SGCZ: variants seen among roughly 807,000 people sequenced by gnomAD.
SGCZ encodes sarcoglycan zeta.
In SGCZ, 40 loss-of-function variants were observed where a neutral mutation model predicts 41.3. The observed-to-expected ratio is 0.97, with a 90% CI of 0.75 to 1.26. SGCZ has a LOEUF of 1.26. Ranked by LOEUF, SGCZ falls within the 50% of genes most tolerant of loss-of-function variation. The pLI, the probability that SGCZ is intolerant of heterozygous loss-of-function variation, is 0.00. For missense variants in SGCZ, 552 were observed against 369.8 expected, an observed-to-expected ratio of 1.49 and a Z score of -4.04; for synonymous variants, 206 against 137.5, an observed-to-expected ratio of 1.50 and a Z score of -3.49.
intron 1 of SGCZ, among the ~76,000 whole-genome samples, chr8:14,702,818 T>C (rs1005284256): frequency 8.8e-4 from 2 of 2,268 alleles, no homozygotes; most frequent in Admixed American, 5.7e-3. Context: ...GTTAGGTAGA[T>C]AGATAGATAG....
chr8:14,578,524 A>G (rs1804787101), intron 1 of SGCZ, among the ~76,000 whole-genome samples: 1 of 152,204 alleles, frequency 6.6e-6, no homozygotes, highest in Non-Finnish European at 1.5e-5. Flanking sequence ...CAGAGATTAT[A>G]TATTATTGTC....
chr8:15,217,563 C>A (rs763171328), intron 1 of SGCZ, among the ~76,000 whole-genome samples: 1 of 151,086 alleles, frequency 6.6e-6, no homozygotes. Context: ...AGGGTTATAA[C>A]CAAGATTCTT....
intron 1 of SGCZ, among the ~76,000 whole-genome samples, chr8:14,974,778 T>A (rs10503525): frequency 6.7e-6 from 1 of 149,318 alleles, no homozygotes; most frequent in Non-Finnish European, 1.5e-5. Context: ...GATACTACAA[T>A]GAACAAAGTA....
At chr8:14,636,526 A>G (rs1823259200) in intron 1 of SGCZ, among the ~76,000 whole-genome samples, 1 of 151,854 alleles carries the variant, frequency 6.6e-6, no homozygotes, top group African/African-American at 2.4e-5. Context: ...AGAAAAATCT[A>G]TCTTGTCAGA....
At chr8:14,409,531 G>C (rs1799304766) in intron 2 of SGCZ, among the ~76,000 whole-genome samples, 2 of 152,074 alleles carry the variant, frequency 1.3e-5, no homozygotes, top group Middle Eastern at 3.4e-3. Flanking sequence ...TGCCTCATAA[G>C]AACTTATGGG....
At chr8:14,147,630 C>T (rs767209521) in intron 5 of SGCZ, among the ~76,000 whole-genome samples, 1 of 152,082 alleles carries the variant, frequency 6.6e-6, no homozygotes, top group South Asian at 2.1e-4. Context: ...CTTTAACACC[C>T]CACTTTCAGC....
chr8:14,141,265 T>A (rs1225130873), intron 5 of SGCZ, among the ~76,000 whole-genome samples: 1 of 152,092 alleles, frequency 6.6e-6, no homozygotes, highest in Admixed American at 6.6e-5. Flanking sequence ...GGGCAAGAAC[T>A]TCAGGACTAA....
At chr8:14,448,483 T>A (rs932797055) in intron 2 of SGCZ, among the ~76,000 whole-genome samples, 2 of 152,120 alleles carry the variant, frequency 1.3e-5, no homozygotes, top group African/African-American at 4.8e-5. Flanking sequence ...AGAGCAGAAA[T>A]GTAAAAATAG....
intron 3 of SGCZ, among the ~76,000 whole-genome samples, chr8:14,242,912 A>T (rs1798942685): frequency 6.6e-6 from 1 of 152,194 alleles, no homozygotes; most frequent in Non-Finnish European, 1.5e-5. Flanking sequence ...CATACTTTAA[A>T]ATTTCTTTAA....
chr8:14,272,582 C>A (rs1294132701), intron 3 of SGCZ, among the ~76,000 whole-genome samples: 2 of 152,180 alleles, frequency 1.3e-5, no homozygotes, highest in Non-Finnish European at 2.9e-5. Flanking sequence ...CCTTGCAAGC[C>A]TCCAGGAAGA....
At chr8:14,516,362 T>C (rs890881262) in intron 2 of SGCZ, among the ~76,000 whole-genome samples, 7 of 152,038 alleles carry the variant, frequency 4.6e-5, no homozygotes, top group African/African-American at 1.7e-4. Flanking sequence ...AAGTTCTTAT[T>C]ATTTAGCTTT....
At chr8:14,907,055 A>T (rs896044812) in intron 1 of SGCZ, among the ~76,000 whole-genome samples, 1 of 152,210 alleles carries the variant, frequency 6.6e-6, no homozygotes, top group African/African-American at 2.4e-5. Context: ...GTTCTCCCTG[A>T]AAGCATGGTG....
chr8:14,648,744 C>T (rs1807304692), intron 1 of SGCZ, among the ~76,000 whole-genome samples: 1 of 151,956 alleles, frequency 6.6e-6, no homozygotes, highest in Non-Finnish European at 1.5e-5. Flanking sequence ...AGGCTATTTG[C>T]ATCATAGTTC....
At chr8:14,520,729 T>C (rs1802763346) in intron 2 of SGCZ, among the ~76,000 whole-genome samples, 1 of 152,130 alleles carries the variant, frequency 6.6e-6, no homozygotes, top group Admixed American at 6.6e-5. Context: ...TTATTTTCCA[T>C]CATTGCAGAA....
chr8:14,225,550 C>T (rs1036162269), intron 4 of SGCZ, among the ~76,000 whole-genome samples: 1 of 151,982 alleles, frequency 6.6e-6, no homozygotes, highest in African/African-American at 2.4e-5. Context: ...AATAATAATA[C>T]TAATTGGTTC....
At chr8:15,016,481 A>G (rs1803038417) in intron 1 of SGCZ, among the ~76,000 whole-genome samples, 1 of 152,186 alleles carries the variant, frequency 6.6e-6, no homozygotes, top group Non-Finnish European at 1.5e-5. Flanking sequence ...TGTCTCAGGT[A>G]AAAGAGAGAA....
intron 2 of SGCZ, among the ~76,000 whole-genome samples, chr8:14,343,877 T>C (rs1802800498): frequency 6.6e-6 from 1 of 151,826 alleles, no homozygotes; most frequent in Non-Finnish European, 1.5e-5. Context: ...CAAGAATTAG[T>C]ACTAAAGGGG....
intron 4 of SGCZ, among the ~76,000 whole-genome samples, chr8:14,220,100 G>A (rs868332074): frequency 1.3e-5 from 2 of 152,280 alleles, no homozygotes; most frequent in South Asian, 4.1e-4. Context: ...ATAGATCGGT[G>A]CTTCTATTTC....
chr8:14,656,588 C>T (rs1157216364), intron 1 of SGCZ, among the ~76,000 whole-genome samples: 1 of 122,662 alleles, frequency 8.2e-6, no homozygotes. Context: ...CTTTTCTTCT[C>T]TTCTCTCCTC....
Sources: allele counts gnomAD v4.1 joint callset (sites outside exome capture counted in the v4.1 genomes callset), GRCh38; gene constraint gnomAD v4.1.1; transcripts MANE v1.5; gene names NCBI Gene and HGNC (gene_info 2026-07-23, HGNC 2026-07-21).